Variants in PHGR1 observed in about 807,000 individuals in gnomAD.
PHGR1 encodes the protein proline, histidine and glycine-rich protein 1.
A neutral mutation model predicts 4.9 loss-of-function variants in PHGR1; 3 were observed. The observed-to-expected ratio is 0.61, with a 90% CI of 0.28 to 1.58. The LOEUF (loss-of-function observed/expected upper bound fraction) is 1.58, where lower values mean the gene tolerates loss of function less well. PHGR1 is among the 40% of genes most tolerant of loss of function. The pLI is 0.11. For synonymous variants in PHGR1, 32 were observed against 46.1 expected, an observed-to-expected ratio of 0.69 and a Z score of 1.24; for missense variants, 81 against 118.7, an observed-to-expected ratio of 0.68 and a Z score of 1.48.
Position 40,356,064 on chromosome 15 carries a change from T to C in PHGR1, c.19-9T>C, listed in dbSNP as rs778353537. On this transcript the variant is annotated splice_polypyrimidine_tract_variant and intron_variant, in intron 3 of 3. Coordinates refer to ENST00000448599, the MANE Select transcript of PHGR1 (RefSeq NM_001145643.2). ...CTGACTCTGACATTGTTCATTTGAC[T>C]TTCCACAGGGGCACTGCCACTGTGG... The C allele has an allele frequency of 2.7e-5, 42 of 1,549,468 alleles. No homozygotes were observed. The highest frequency in any genetic ancestry group is 4.8e-5 in the South Asian group (4 of 84,054).
At chr15:40,354,289 T>TA in intron 2 of PHGR1, 56 bp from the exon 3 acceptor site, 2 of 1,527,022 alleles carry the variant, frequency 1.3e-6, no homozygotes, top group Non-Finnish European at 1.8e-6. Flanking sequence ...GGTTTTTTTT[T>TA]ACTGCAGAAC....
intron 1 of PHGR1, among the ~76,000 whole-genome samples, chr15:40,352,024 G>A (rs867561743): frequency 1.3e-5 from 2 of 152,058 alleles, no homozygotes; most frequent in Non-Finnish European, 1.5e-5. Flanking sequence ...GGCATGAGCC[G>A]CTGTGCCCAG....
Position 40,356,163 on chromosome 15 carries a change from C to G in PHGR1, c.109C>G (p.His37Asp), listed in dbSNP as rs769726162. The G allele has an allele frequency of 4.6e-6, 7 of 1,536,906 alleles. 1 individual carries two copies. The highest frequency in any genetic ancestry group is 2.5e-5 in the East Asian group (1 of 40,542). The part of the protein sequence containing the change: ...HGPGPCGPPP[H>D]HGPGPCGPPP... ...CCCAGGGCCCTGCGGGCCACCCCCC[C>G]ACCATGGTCCAGGGCCCTGCGGGCC... is the stretch of plus-strand genomic sequence containing the variant. The change falls in exon 4 of 4, where the codon CAC becomes GAC. Residue 37 changes from histidine to aspartate, a missense_variant. By Grantham distance (81) the His-to-Asp change is moderately conservative. Transcript: ENST00000448599.
intron 3 of PHGR1, among the ~76,000 whole-genome samples, chr15:40,355,352 C>T (rs1384020736): frequency 3.3e-5 from 5 of 152,086 alleles, no homozygotes; most frequent in Admixed American, 1.3e-4. Context: ...GGTATGAGCT[C>T]GCACATACTC....
rs748938024 is a variant in PHGR1, at chr15:40,353,209, TAA to T, written c.-26-20_-26-19del. The stretch of plus-strand genomic sequence containing the variant: ...GACTGCAATTTAGATTACAGTAAAT[TAA>T]AAGTTACCTTTTGAACACAGGTATT... On this transcript the variant is annotated intron_variant, in intron 1 of 3. Coordinates refer to ENST00000448599, the MANE Select transcript of PHGR1 (RefSeq NM_001145643.2). 1.6e-4 allele frequency: 242 copies of T among 1,548,274 alleles called. 1 individual carries two copies. The South Asian group carries it at 2.7e-3, about 17-fold the overall frequency.
intron 1 of PHGR1, among the ~76,000 whole-genome samples, chr15:40,352,962 C>T (rs1446834792): frequency 6.6e-6 from 1 of 152,114 alleles, no homozygotes; most frequent in Admixed American, 6.5e-5. Flanking sequence ...GGGGCTGGTA[C>T]ATGGTGCTGT....
In PHGR1 at chr15:40,354,342, C is replaced by A; in HGVS notation, c.11-3C>A. On this transcript the variant is annotated splice_polypyrimidine_tract_variant and splice_region_variant and intron_variant, in intron 2 of 3. Coordinates refer to ENST00000448599, the MANE Select transcript of PHGR1 (RefSeq NM_001145643.2). ...TTCTTTTTTTTCCCTTCCTCTCCCA[C>A]AGGTCCGAAGGTAGGAAAGTTCCCC... 6.5e-7 allele frequency: 1 copy of A among 1,536,308 alleles called. No individual in the cohort carries two copies. Among genetic ancestry groups the A allele is most frequent in the African/African-American group, 1.4e-5 (1 of 73,048 alleles).
intron 3 of PHGR1, among the ~76,000 whole-genome samples, chr15:40,354,597 T>G (rs557129017): frequency 3.3e-5 from 5 of 152,202 alleles, no homozygotes; most frequent in Middle Eastern, 3.4e-3. Flanking sequence ...CTCTCTCCTT[T>G]CCTCACGTCC....
intron 1 of PHGR1, among the ~76,000 whole-genome samples, chr15:40,352,124 A>T (rs1595718785): frequency 6.6e-6 from 1 of 150,814 alleles, no homozygotes; most frequent in African/African-American, 2.4e-5. Flanking sequence ...GATTGCTTGA[A>T]CCCTGGAGGT....
chr15:40,351,863 A>G (rs900935588), intron 1 of PHGR1, among the ~76,000 whole-genome samples: 1 of 152,116 alleles, frequency 6.6e-6, no homozygotes, highest in Admixed American at 6.5e-5. Flanking sequence ...CAGCCTCCCA[A>G]GTAGCTGGGA....
At chr15:40,354,449 A>G in intron 3 of PHGR1, 97 bp downstream of exon 3, 1 of 1,380,406 alleles carries the variant, frequency 7.2e-7, no homozygotes, top group Non-Finnish European at 9.8e-7. Flanking sequence ...AGCAGCCACC[A>G]CTTCCCCCAA....
chr15:40,352,928 G>A (rs1292540391), intron 1 of PHGR1, among the ~76,000 whole-genome samples: 2 of 152,196 alleles, frequency 1.3e-5, no homozygotes, highest in Admixed American at 1.3e-4. Flanking sequence ...GTCTAGGGGG[G>A]CAAGTGTAAG....
chr15:40,355,951 C>A, intron 3 of PHGR1, 122 bp from the exon 4 acceptor site: 2 of 1,055,886 alleles, frequency 1.9e-6, no homozygotes, highest in Non-Finnish European at 2.8e-6. Context: ...AGCCCTCCAC[C>A]GCAACTCCTT....
Position 40,356,188 on chromosome 15 carries a change from C to T in PHGR1, c.134C>T (p.Pro45Leu). The T allele has an allele frequency of 1.4e-6, 2 of 1,461,552 alleles. No individual in the cohort carries two copies. The allele number at this position is 1,461,552 out of a possible 1,614,324, so 90.5% of individuals were successfully genotyped here. A position where few individuals can be genotyped will look rare whatever the true frequency, so the allele number is the denominator to read the frequency against. Residue 45 changes from proline (P) to leucine (L), a missense_variant, in exon 4 of 4, where the codon CCA (proline) becomes CTA (leucine). Transcript: ENST00000448599. ...CACCATGGTCCAGGGCCCTGCGGGC[C>T]ACCCCCTGGCCATGGCCCAGGGCCC... ...PPHHGPGPCG[P>L]PPGHGPGPCG...
chr15:40,354,268 G>C, intron 2 of PHGR1, 77 bp from the exon 3 acceptor site: 1 of 1,489,242 alleles, frequency 6.7e-7, no homozygotes, highest in Non-Finnish European at 9.1e-7. Flanking sequence ...CTTAGTGCCA[G>C]GGAGAAGACA....
intron 3 of PHGR1, among the ~76,000 whole-genome samples, chr15:40,355,818 G>C (rs1422942435): frequency 6.6e-6 from 1 of 152,202 alleles, no homozygotes; most frequent in Non-Finnish European, 1.5e-5. Context: ...GAGGTACAGG[G>C]AGCGGGAGTC....
intron 2 of PHGR1, chr15:40,353,729 T>C (rs1401557562): frequency 5.4e-6 from 1 of 186,388 alleles, no homozygotes; most frequent in Non-Finnish European, 1.1e-5. Flanking sequence ...AGGTGGGTGC[T>C]GCAGGAGCCC....
At chr15:40,351,456 TTTTC>T (rs1257300635) in intron 1 of PHGR1, among the ~76,000 whole-genome samples, 1 of 151,932 alleles carries the variant, frequency 6.6e-6, no homozygotes, top group Non-Finnish European at 1.5e-5. Context: ...GGCCCTGAGG[TTTTC>T]TTTACCTCTC....
At chr15:40,355,097 C>T (rs1566911792) in intron 3 of PHGR1, among the ~76,000 whole-genome samples, 1 of 152,134 alleles carries the variant, frequency 6.6e-6, no homozygotes, top group African/African-American at 2.4e-5. Flanking sequence ...GGGCCCCAGA[C>T]CCCGAGTCCC....
Sources: allele counts gnomAD v4.1 joint callset (sites outside exome capture counted in the v4.1 genomes callset), GRCh38; gene constraint gnomAD v4.1.1; transcripts MANE v1.5; gene names NCBI Gene and HGNC (gene_info 2026-07-23, HGNC 2026-07-21).